RCAN2: variants seen among roughly 807,000 people sequenced by gnomAD.
RCAN2 encodes regulator of calcineurin 2.
A neutral mutation model predicts 23.6 loss-of-function variants in RCAN2; 9 were observed. The ratio of observed to expected loss-of-function variants is 0.38; its 90% CI spans 0.23 to 0.67. RCAN2 has a LOEUF of 0.67. Among genes scored for constraint, RCAN2 ranks in the 30% least tolerant of loss-of-function variants. The pLI, the probability that RCAN2 is intolerant of heterozygous loss-of-function variation, is 0.51. For synonymous variants in RCAN2, 109 were observed against 115.7 expected, an observed-to-expected ratio of 0.94 and a Z score of 0.37; for missense variants, 273 against 302.3, an observed-to-expected ratio of 0.90 and a Z score of 0.72.
rs200969349 is a variant in RCAN2, at chr6:46,289,089, G to GA, written c.226-40194dup. ...TCTGTGGGGCTGACGGGTGGCTGCAGATGCATCAGCTATGACTGACAGAGC... is the reference window on the plus strand; with the variant it reads ...TCTGTGGGGCTGACGGGTGGCTGCAGAATGCATCAGCTATGACTGACAGAGC... On this transcript the variant is annotated intron_variant, in intron 2 of 4. Transcript: ENST00000371374. Among the ~76,000 whole-genome samples the GA allele has an allele frequency of 5.4e-3, 817 of 152,332 alleles. 5 individuals carry two copies. The highest frequency in any genetic ancestry group is 0.018 in the African/African-American group (753 of 41,564).
chr6:46,250,176 A>G (rs1233333116), intron 2 of RCAN2, among the ~76,000 whole-genome samples: 1 of 152,034 alleles, frequency 6.6e-6, no homozygotes, highest in Admixed American at 6.5e-5. Context: ...GCAGATACAC[A>G]CAAGTAAGAG....
chr6:46,403,239 G>A (rs1345069768), intron 2 of RCAN2, among the ~76,000 whole-genome samples: 3 of 151,950 alleles, frequency 2.0e-5, no homozygotes, highest in Non-Finnish European at 4.4e-5. Flanking sequence ...TGCTGGGATT[G>A]TAGGCGTGAG....
At chr6:46,378,498 T>C (rs938457249) in intron 2 of RCAN2, among the ~76,000 whole-genome samples, 1 of 152,234 alleles carries the variant, frequency 6.6e-6, no homozygotes, top group Non-Finnish European at 1.5e-5. Context: ...TACCAGAGTA[T>C]TAATAGGCTG....
intron 2 of RCAN2, among the ~76,000 whole-genome samples, chr6:46,431,607 T>C (rs1302492884): frequency 6.6e-6 from 1 of 152,208 alleles, no homozygotes; most frequent in African/African-American, 2.4e-5. Context: ...AAGTGACCTA[T>C]GTGACACTAA....
At chr6:46,446,521 T>C (rs1357884182) in intron 2 of RCAN2, among the ~76,000 whole-genome samples, 1 of 152,120 alleles carries the variant, frequency 6.6e-6, no homozygotes, top group Non-Finnish European at 1.5e-5. Flanking sequence ...AGTATAAAAT[T>C]TGCTGGTAAA....
At chr6:46,267,841 T>A (rs1767390429) in intron 2 of RCAN2, among the ~76,000 whole-genome samples, 1 of 152,128 alleles carries the variant, frequency 6.6e-6, no homozygotes, top group Non-Finnish European at 1.5e-5. Flanking sequence ...CTGTCATCTG[T>A]CTTAAGAAAA....
At chr6:46,411,177 T>A (rs1055808968) in intron 2 of RCAN2, among the ~76,000 whole-genome samples, 1 of 152,202 alleles carries the variant, frequency 6.6e-6, no homozygotes, top group African/African-American at 2.4e-5. Flanking sequence ...TGATGGAATA[T>A]TATTCAGCCT....
chr6:46,457,963 G>T (rs896948288), intron 1 of RCAN2, among the ~76,000 whole-genome samples: 1 of 152,096 alleles, frequency 6.6e-6, no homozygotes, highest in African/African-American at 2.4e-5. Context: ...TATAGTCCAA[G>T]GCTGGTATCT....
At chr6:46,290,869 A>G (rs1466834385) in intron 2 of RCAN2, among the ~76,000 whole-genome samples, 1 of 152,220 alleles carries the variant, frequency 6.6e-6, no homozygotes, top group African/African-American at 2.4e-5. Flanking sequence ...GGAAATTACA[A>G]CATTTATTGG....
intron 2 of RCAN2, among the ~76,000 whole-genome samples, chr6:46,281,415 G>A (rs1446333904): frequency 2.0e-5 from 3 of 152,178 alleles, no homozygotes; most frequent in Non-Finnish European, 2.9e-5. Context: ...AGTTTCCCAA[G>A]TGACAATTAA....
In RCAN2 at chr6:46,406,197, C is replaced by T. The variant is rs577955953; in HGVS notation, c.225+50555G>A. On this transcript the variant is annotated intron_variant, in intron 2 of 4. Coordinates refer to ENST00000371374, the MANE Select transcript of RCAN2 (RefSeq NM_001251974.2). ...GGAGCTGGCTCTGGCCTTGGCCAGCCCAGAAAGGGGCTCTCACAGTGCAGC... is the reference window on the plus strand; with the variant it reads ...GGAGCTGGCTCTGGCCTTGGCCAGCTCAGAAAGGGGCTCTCACAGTGCAGC... Among the ~76,000 whole-genome samples, 340 of 152,326 alleles carry T rather than the reference C, an allele frequency of 2.2e-3. 2 individuals are homozygous for T. Among genetic ancestry groups the T allele is most frequent in the African/African-American group, 7.8e-3 (325 of 41,584 alleles).
At chr6:46,467,803 A>T (rs1561917828) in intron 1 of RCAN2, among the ~76,000 whole-genome samples, 1 of 152,250 alleles carries the variant, frequency 6.6e-6, no homozygotes, top group Non-Finnish European at 1.5e-5. Context: ...TCTGGTGGGT[A>T]CTATGTTTTT....
chr6:46,386,924 A>C (rs1407380371), intron 2 of RCAN2, among the ~76,000 whole-genome samples: 1 of 152,208 alleles, frequency 6.6e-6, no homozygotes, highest in Non-Finnish European at 1.5e-5. Flanking sequence ...ATGGAACAGA[A>C]CAGAGCCCTT....
chr6:46,490,297 T>C (rs1417017975), intron 1 of RCAN2, among the ~76,000 whole-genome samples: 1 of 152,164 alleles, frequency 6.6e-6, no homozygotes, highest in Non-Finnish European at 1.5e-5. Context: ...CCCCAGAAAC[T>C]TTTGTTTTTA....
chr6:46,367,246 T>C (rs1266029123), intron 2 of RCAN2, among the ~76,000 whole-genome samples: 1 of 151,420 alleles, frequency 6.6e-6, no homozygotes, highest in Non-Finnish European at 1.5e-5. Flanking sequence ...CAAGGGTGCA[T>C]TCTATTTGGT....
intron 2 of RCAN2, among the ~76,000 whole-genome samples, chr6:46,300,284 A>G (rs754017015): frequency 2.4e-4 from 37 of 151,998 alleles, no homozygotes; most frequent in Non-Finnish European, 4.7e-4. Context: ...TGATTAAAAA[A>G]GCAACACTCA....
chr6:46,357,323 G>T (rs1214864755), intron 2 of RCAN2, among the ~76,000 whole-genome samples: 19 of 152,174 alleles, frequency 1.2e-4, no homozygotes, highest in Admixed American at 1.2e-3. Flanking sequence ...TTCTGCTTAT[G>T]CCATTAAAAT....
chr6:46,435,514 G>A (rs1419375038), intron 2 of RCAN2, among the ~76,000 whole-genome samples: 2 of 152,188 alleles, frequency 1.3e-5, no homozygotes, highest in African/African-American at 4.8e-5. Flanking sequence ...CCATGCAAAT[G>A]TTAATTCCTT....
intron 2 of RCAN2, among the ~76,000 whole-genome samples, chr6:46,420,362 A>G (rs557149555): frequency 1.3e-5 from 2 of 152,306 alleles, no homozygotes; most frequent in South Asian, 2.1e-4. Flanking sequence ...GTATCTATAT[A>G]GCACTGACTG....
Sources: gnomAD v4.1 joint callset for allele counts (sites outside exome capture counted in the v4.1 genomes callset) on GRCh38, gnomAD v4.1.1 for gene constraint, MANE v1.5 for transcripts, NCBI Gene and HGNC (gene_info 2026-07-23, HGNC 2026-07-21) for gene names.